SHD: variants seen among roughly 807,000 people sequenced by gnomAD.
The protein encoded by SHD is Src homology 2 domain containing transforming protein D.
SHD carries 29 observed loss-of-function variants against 31.2 expected under a neutral mutation model. The ratio of observed to expected loss-of-function variants is 0.93; its 90% confidence interval spans 0.69 to 1.27. The LOEUF (loss-of-function observed/expected upper bound fraction) is 1.27, where lower values mean the gene tolerates loss of function less well. SHD is among the 50% of genes most tolerant of loss of function. The probability of loss-of-function intolerance (pLI) is 0.00; values close to 1 mark genes in which losing one functional copy is unlikely to be tolerated. For missense variants in SHD, 520 were observed against 453.8 expected, an observed-to-expected ratio of 1.15 and a Z score of -1.33; for synonymous variants, 208 against 187.8, an observed-to-expected ratio of 1.11 and a Z score of -0.88.
intron 3 of SHD, among the ~76,000 whole-genome samples, chr19:4,283,988 T>C (rs544309171): frequency 1.5e-4 from 23 of 151,798 alleles, no homozygotes; most frequent in African/African-American, 5.1e-4. Context: ...GTAAAAGAGA[T>C]AATGATAAAA....
At position 4,290,456 on chromosome 19, in the gene SHD, G is replaced by A. The variant is rs1472682283; in HGVS notation, c.846G>A (p.Gln282=). 2 of 1,611,400 alleles carry A rather than the reference G, an allele frequency of 1.2e-6. No homozygotes were observed. The highest frequency in any genetic ancestry group is 2.7e-5 in the African/African-American group (2 of 75,010). The change falls in exon 6 of 6, where the codon CAG becomes CAA. Residue 282 remains glutamine, a synonymous_variant. Coordinates refer to ENST00000543264, the MANE Select transcript of SHD (RefSeq NM_020209.4). ...CTCCCTCATCGCCCAGGAGCAGCCA[G>A]GGCTTCCTGCATCTGAAGTTCGCGC... ...QDCSLSLRSS[Q]GFLHLKFART... is the part of the protein sequence containing the mutation.
At chr19:4,284,926 G>A (rs753532280) in intron 4 of SHD, 22 bp downstream of exon 4, 7 of 1,573,856 alleles carry the variant, frequency 4.4e-6, no homozygotes, top group South Asian at 1.1e-5. Flanking sequence ...AGCTGAAGGT[G>A]GAAGAGCCCC....
chr19:4,288,205 G>C (rs1971339927), intron 4 of SHD, 38 bp from the exon 5 acceptor site: 1 of 1,602,282 alleles, frequency 6.2e-7, no homozygotes, highest in Admixed American at 1.7e-5. Flanking sequence ...TGTTTGAAGG[G>C]AATGGCCCTT....
At chr19:4,290,263 C>G (rs1971363257) in intron 5 of SHD, among the ~76,000 whole-genome samples, 184 bp from the exon 6 acceptor site, 1 of 152,152 alleles carries the variant, frequency 6.6e-6, no homozygotes, top group African/African-American at 2.4e-5. Context: ...AGCCTACAGC[C>G]TCAGCTTCCC....
chr19:4,286,210 CTTTCTTTCTTTCTTTCTTTCT>C (rs1217220909), intron 4 of SHD, among the ~76,000 whole-genome samples: 3 of 105,380 alleles, frequency 2.8e-5, no homozygotes, highest in African/African-American at 4.3e-5. Context: ...CTTTTTCTTT[CTTTCTTTCTTTCTTTCTTTCT>C]TTTCTTTCTT....
chr19:4,283,247 T>C lies in SHD; in HGVS notation c.592+5T>C, dbSNP rs774615472. 1.6e-5 allele frequency: 26 copies of C among 1,607,426 alleles called. No homozygotes were observed. The highest frequency in any genetic ancestry group is 2.2e-5 in the Non-Finnish European group (26 of 1,174,602). Reference sequence around the variant, plus strand: ...ACATCTCCAGGGCGTTTGCAGGTGCTTCTCAGACCCACACTCTGACATCTG... The same window carrying C: ...ACATCTCCAGGGCGTTTGCAGGTGCCTCTCAGACCCACACTCTGACATCTG... On this transcript the variant is annotated splice_donor_5th_base_variant and intron_variant, in intron 3 of 5. Coordinates refer to ENST00000543264, the MANE Select transcript of SHD (RefSeq NM_020209.4).
At chr19:4,288,204 G>A in intron 4 of SHD, 39 bp from the exon 5 acceptor site, 2 of 1,598,090 alleles carry the variant, frequency 1.3e-6, no homozygotes, top group African/African-American at 1.3e-5. Context: ...GTGTTTGAAG[G>A]GAATGGCCCT....
At chr19:4,289,461 G>A (rs921690365) in intron 5 of SHD, among the ~76,000 whole-genome samples, 2 of 151,796 alleles carry the variant, frequency 1.3e-5, no homozygotes, top group African/African-American at 4.8e-5. Flanking sequence ...GGCCAGGCTG[G>A]TCTCAAACTC....
chr19:4,282,962 A>G lies in SHD; in HGVS notation c.390A>G (p.Gln130=), dbSNP rs765383241. 8.1e-5 allele frequency: 131 copies of G among 1,613,968 alleles called. 4 individuals are homozygous for G. In the South Asian group the frequency reaches 9.7e-4, roughly 12 times the overall value. Residue 130 remains glutamine (Q), a synonymous_variant, in exon 2 of 6, where the codon CAA becomes CAG. Transcript: ENST00000543264. ...DDGYMEPYDA[Q]WVMSELPGRG... ...GGTACATGGAGCCCTACGATGCCCA[A>G]TGGGTCATGAGTGGTGAGTAGGCAC...
chr19:4,284,938 T>C (rs762077434), intron 4 of SHD, 34 bp downstream of exon 4: 1 of 1,560,324 alleles, frequency 6.4e-7, no homozygotes, highest in Non-Finnish European at 8.7e-7. Context: ...AAGAGCCCCG[T>C]TGAACGTATC....
chr19:4,283,328 A>G, intron 3 of SHD, 86 bp downstream of exon 3: 3 of 1,351,254 alleles, frequency 2.2e-6, no homozygotes, highest in Non-Finnish European at 3.0e-6. Context: ...CAGTTTACAA[A>G]GTAGAGTCCA....
At chr19:4,286,699 A>T (rs1971322406) in intron 4 of SHD, among the ~76,000 whole-genome samples, 1 of 150,320 alleles carries the variant, frequency 6.7e-6, no homozygotes, top group African/African-American at 2.4e-5. Context: ...AGAGATCAAG[A>T]CCATCCTGGC....
In SHD at chr19:4,282,924, C is replaced by T; in HGVS notation, c.352C>T (p.Pro118Ser). Residue 118 changes from proline to serine, a missense_variant, in exon 2 of 6, where the codon CCC becomes TCC. Physicochemically the swap from Pro to Ser is moderately conservative, Grantham distance 74 (BLOSUM62 -1). Transcript: ENST00000543264. ...CTTTGATGCTCAGCCTCATCCTGCA[C>T]CCCCGGATGATGGGTACATGGAGCC... ...DPFDAQPHPA[P>S]PDDGYMEPYD... The T allele has an allele frequency of 1.2e-6, 2 of 1,613,882 alleles. No homozygotes were observed. Among genetic ancestry groups the T allele is most frequent in the Non-Finnish European group, 1.7e-6 (2 of 1,179,978 alleles).
At chr19:4,284,548 C>T (rs1054630937) in intron 3 of SHD, 5 of 369,164 alleles carry the variant, frequency 1.4e-5, no homozygotes, top group Non-Finnish European at 2.4e-5. Flanking sequence ...CGTCTAGCCA[C>T]GCCCCTTGTG....
intron 5 of SHD, among the ~76,000 whole-genome samples, chr19:4,289,103 ATTTTTTTTTT>A (rs71166980): frequency 6.5e-5 from 5 of 77,362 alleles, no homozygotes; most frequent in East Asian, 4.1e-4. Context: ...TGCCCAGCTA[ATTTTTTTTTT>A]TTTTTTTTTT....
intron 5 of SHD, among the ~76,000 whole-genome samples, chr19:4,290,147 A>T (rs1971361905): frequency 6.6e-6 from 1 of 151,974 alleles, no homozygotes; most frequent in Admixed American, 6.6e-5. Flanking sequence ...AAGTGCTGGG[A>T]TTACAGGCGT....
intron 5 of SHD, among the ~76,000 whole-genome samples, chr19:4,289,172 G>A (rs1158580469): frequency 7.1e-5 from 10 of 140,106 alleles, no homozygotes; most frequent in Middle Eastern, 3.6e-3. Flanking sequence ...GTGCAGTGGC[G>A]CGATCTCGGC....
At chr19:4,281,940 T>C (rs1971260572) in intron 1 of SHD, among the ~76,000 whole-genome samples, 1 of 152,144 alleles carries the variant, frequency 6.6e-6, no homozygotes, top group South Asian at 2.1e-4. Context: ...TTATTACATG[T>C]TGGTATTACA....
chr19:4,284,663 T>C, intron 3 of SHD, 118 bp from the exon 4 acceptor site: 1 of 1,241,804 alleles, frequency 8.1e-7, no homozygotes, highest in Non-Finnish European at 1.1e-6. Flanking sequence ...GCCCCTGGGC[T>C]GTGATAGGTT....
Sources: gnomAD v4.1 joint callset for allele counts (sites outside exome capture counted in the v4.1 genomes callset) on GRCh38, gnomAD v4.1.1 for gene constraint, MANE v1.5 for transcripts, NCBI Gene and HGNC (gene_info 2026-07-23, HGNC 2026-07-21) for gene names.